CCDC102B: variants seen among roughly 807,000 people sequenced by gnomAD.
The protein encoded by CCDC102B is coiled-coil domain containing 102B.
In CCDC102B, 75 loss-of-function variants were observed where a neutral mutation model predicts 57.4. The observed-to-expected ratio is 1.31, with a 90% CI of 1.08 to 1.58. The LOEUF (loss-of-function observed/expected upper bound fraction) is 1.58. Ranked by LOEUF, CCDC102B falls within the 40% of genes most tolerant of loss-of-function variation. The pLI is 0.00. For missense variants in CCDC102B, 636 were observed against 582.6 expected, an observed-to-expected ratio of 1.09 and a Z score of -0.94; for synonymous variants, 206 against 201.9, an observed-to-expected ratio of 1.02 and a Z score of -0.17.
At chr18:68,775,069 T>A (rs994320797) in intron 2 of CCDC102B, among the ~76,000 whole-genome samples, 2 of 151,248 alleles carry the variant, frequency 1.3e-5, no homozygotes, top group Non-Finnish European at 1.5e-5. Flanking sequence ...ATTCTAGACA[T>A]CACTTTATAG....
At chr18:68,747,566 ATTTCTATGAG>A (rs2033669662) in intron 2 of CCDC102B, among the ~76,000 whole-genome samples, 1 of 151,896 alleles carries the variant, frequency 6.6e-6, no homozygotes, top group Admixed American at 6.6e-5. Context: ...TCTATTCTCT[ATTTCTATGAG>A]TTTGGCTATT....
At chr18:68,866,393 T>C (rs1209112019) in intron 4 of CCDC102B, 1 of 152,422 alleles carries the variant, frequency 6.6e-6, no homozygotes, top group Non-Finnish European at 1.5e-5. Flanking sequence ...AACATAAAAT[T>C]GTAAGTAGAT....
At chr18:68,770,309 C>T (rs2034598644) in intron 2 of CCDC102B, among the ~76,000 whole-genome samples, 1 of 152,226 alleles carries the variant, frequency 6.6e-6, no homozygotes, top group Non-Finnish European at 1.5e-5. Flanking sequence ...TAGTATCAGT[C>T]AGCTACTGCT....
intron 2 of CCDC102B, among the ~76,000 whole-genome samples, chr18:68,767,886 T>C (rs187731701): frequency 3.6e-4 from 55 of 152,290 alleles, no homozygotes; most frequent in Admixed American, 1.6e-3. Context: ...ATCTTAGGTA[T>C]ATTGAATGAA....
intron 6 of CCDC102B, among the ~76,000 whole-genome samples, chr18:68,949,225 C>A (rs1310669395): frequency 6.6e-6 from 1 of 152,074 alleles, no homozygotes; most frequent in Non-Finnish European, 1.5e-5. Flanking sequence ...ACAGACACAC[C>A]CAGGATCAAT....
intron 3 of CCDC102B, among the ~76,000 whole-genome samples, chr18:68,845,461 A>G (rs1573375): frequency 0.99 from 150,307 of 151,836 alleles, 74,418 homozygotes; most frequent in East Asian, 1. Context: ...TTTTGTTTCT[A>G]TCATCTCTGC....
chr18:68,956,461 TTA>T (rs1230693253), intron 6 of CCDC102B, among the ~76,000 whole-genome samples: 16 of 7,442 alleles, frequency 2.1e-3, no homozygotes, highest in Admixed American at 2.5e-3. Flanking sequence ...ATTATATATT[TTA>T]TATATATATT....
chr18:68,945,664 T>C (rs2049519194), intron 6 of CCDC102B, among the ~76,000 whole-genome samples: 1 of 152,108 alleles, frequency 6.6e-6, no homozygotes, highest in South Asian at 2.1e-4. Context: ...TCCACATAAA[T>C]GTTGTGGAAG....
intron 6 of CCDC102B, among the ~76,000 whole-genome samples, chr18:68,932,813 C>A (rs906468121): frequency 1.3e-5 from 2 of 151,790 alleles, no homozygotes; most frequent in African/African-American, 4.8e-5. Flanking sequence ...TTCTTTAGTG[C>A]AGCTTTACAA....
chr18:68,826,024 G>A lies in CCDC102B; in HGVS notation c.-15-10725G>A, dbSNP rs566635278. On this transcript the variant is annotated intron_variant, in intron 1 of 7. Transcript: ENST00000360242. ...AATGAAAACCTAGAATATTTCTCTC[G>A]TTTGTTTTTATTTTCCAAATATCAA... Among the ~76,000 whole-genome samples the A allele has an allele frequency of 6.6e-5, 10 of 152,150 alleles. No homozygotes were observed. The East Asian group carries it at 1.7e-3, about 26-fold the overall frequency.
chr18:68,745,077 G>T (rs192115349), intron 2 of CCDC102B, among the ~76,000 whole-genome samples: 1 of 152,122 alleles, frequency 6.6e-6, no homozygotes, highest in Non-Finnish European at 1.5e-5. Context: ...GGAGTCAGTA[G>T]GAGAGACTCT....
In CCDC102B at chr18:69,012,510, C is replaced by T. The variant is rs371915314; in HGVS notation, c.1434+1406C>T. On this transcript the variant is annotated intron_variant, in intron 7 of 7. Transcript: ENST00000360242. Reference sequence around the variant, plus strand: ...CCTCCATGTAGGATTATGTTTCCCACATCATCAATGTCAGGTTTGGTCATG... The same window carrying T: ...CCTCCATGTAGGATTATGTTTCCCATATCATCAATGTCAGGTTTGGTCATG... Among the ~76,000 whole-genome samples, 35 of 152,272 alleles carry T rather than the reference C, an allele frequency of 2.3e-4. No individual in the cohort carries two copies. The South Asian group carries it at 3.5e-3, about 15-fold the overall frequency.
intron 4 of CCDC102B, among the ~76,000 whole-genome samples, chr18:68,863,588 A>G (rs1292524887): frequency 6.6e-6 from 1 of 151,938 alleles, no homozygotes; most frequent in Non-Finnish European, 1.5e-5. Context: ...CTCATATAAT[A>G]TTTTGTTCAT....
intron 1 of CCDC102B, among the ~76,000 whole-genome samples, chr18:68,803,113 G>A (rs547154811): frequency 7.2e-5 from 11 of 152,270 alleles, no homozygotes; most frequent in South Asian, 2.1e-4. Context: ...GCCTATAAGC[G>A]TTTAATATCT....
intron 6 of CCDC102B, chr18:68,902,244 T>G (rs1238969143): frequency 1.3e-5 from 2 of 152,294 alleles, no homozygotes; most frequent in South Asian, 2.1e-4. Flanking sequence ...TTTCCATAGG[T>G]TTTTCTTTCT....
At chr18:68,748,776 G>A (rs1265144161) in intron 2 of CCDC102B, among the ~76,000 whole-genome samples, 2 of 152,130 alleles carry the variant, frequency 1.3e-5, no homozygotes, top group African/African-American at 2.4e-5. Flanking sequence ...AATTATTTAT[G>A]TAGTAAAAGT....
chr18:68,897,129 C>A (rs952861672), intron 5 of CCDC102B, 90 bp from the exon 6 acceptor site: 18 of 947,896 alleles, frequency 1.9e-5, no homozygotes, highest in Non-Finnish European at 2.6e-5. Flanking sequence ...TATCCATGAA[C>A]TTTTCTTAAT....
chr18:69,021,061 C>T (rs2051819838), intron 7 of CCDC102B, among the ~76,000 whole-genome samples: 1 of 152,212 alleles, frequency 6.6e-6, no homozygotes. Context: ...ATTCTGGCTT[C>T]ACATTTTAAT....
chr18:68,907,346 A>C (rs1053930705), intron 6 of CCDC102B, among the ~76,000 whole-genome samples: 1 of 151,854 alleles, frequency 6.6e-6, no homozygotes, highest in Non-Finnish European at 1.5e-5. Context: ...TAAAAAAAAA[A>C]CGCCATTGGA....
Sources: allele counts gnomAD v4.1 joint callset (sites outside exome capture counted in the v4.1 genomes callset), GRCh38; gene constraint gnomAD v4.1.1; transcripts MANE v1.5; gene names NCBI Gene and HGNC (gene_info 2026-07-23, HGNC 2026-07-21).